RABEP1: variants seen among roughly 807,000 people sequenced by gnomAD.
RABEP1 encodes the protein rabaptin, RAB GTPase binding effector protein 1.
Under a neutral mutation model 123.4 loss-of-function variants are expected in RABEP1, and 51 were observed. The observed-to-expected ratio is 0.41, with a 90% CI of 0.33 to 0.52. RABEP1 has a LOEUF of 0.52. RABEP1 is among the 20% of genes least tolerant of loss of function. The probability of loss-of-function intolerance (pLI) is 0.16; values close to 1 mark genes in which losing one functional copy is unlikely to be tolerated. For missense variants in RABEP1, 888 were observed against 996.3 expected, an observed-to-expected ratio of 0.89 and a Z score of 1.46; for synonymous variants, 347 against 355.2, an observed-to-expected ratio of 0.98 and a Z score of 0.26.
chr17:5,302,902 AT>A (rs200600919), intron 1 of RABEP1, among the ~76,000 whole-genome samples: 2 of 152,074 alleles, frequency 1.3e-5, no homozygotes, highest in South Asian at 4.1e-4. Context: ...TTAAAAAATG[AT>A]TTTTTTTGTG....
chr17:5,361,103 A>T, intron 8 of RABEP1, 105 bp from the exon 9 acceptor site: 1 of 977,990 alleles, frequency 1.0e-6, no homozygotes, highest in Non-Finnish European at 1.5e-6. Flanking sequence ...GTAGCACATT[A>T]ATGATTATCA....
At chr17:5,297,599 T>C (rs2075095516) in intron 1 of RABEP1, among the ~76,000 whole-genome samples, 1 of 152,248 alleles carries the variant, frequency 6.6e-6, no homozygotes, top group African/African-American at 2.4e-5. Context: ...CATCTGTAAC[T>C]GGGGTGATAA....
intron 9 of RABEP1, 149 bp from the exon 10 acceptor site, chr17:5,362,763 C>A: frequency 1.7e-6 from 1 of 597,088 alleles, no homozygotes; most frequent in Admixed American, 2.9e-5. Context: ...AGAATCTGAC[C>A]CTATATTGTA....
At chr17:5,322,571 T>C (rs1332963648) in intron 2 of RABEP1, among the ~76,000 whole-genome samples, 2 of 151,952 alleles carry the variant, frequency 1.3e-5, no homozygotes, top group Non-Finnish European at 2.9e-5. Context: ...GGACAGATTA[T>C]CCAGGCAGCA....
intron 8 of RABEP1, chr17:5,360,934 A>G (rs1053915716): frequency 5.2e-6 from 2 of 387,736 alleles, no homozygotes; most frequent in African/African-American, 2.1e-5. Flanking sequence ...CTTTTATCAC[A>G]GTATTATAAC....
intron 2 of RABEP1, among the ~76,000 whole-genome samples, chr17:5,329,835 A>G (rs1340171542): frequency 1.3e-4 from 7 of 52,258 alleles, no homozygotes; most frequent in Non-Finnish European, 2.4e-4. Flanking sequence ...ATATATATAT[A>G]TATATATATA....
intron 3 of RABEP1, among the ~76,000 whole-genome samples, chr17:5,332,684 C>A (rs1329964534): frequency 6.7e-6 from 1 of 148,846 alleles, no homozygotes; most frequent in Non-Finnish European, 1.5e-5. Context: ...ACTGTACTCG[C>A]TGCAACCTCT....
At chr17:5,357,528 C>T (rs1169380363) in intron 8 of RABEP1, among the ~76,000 whole-genome samples, 4 of 152,076 alleles carry the variant, frequency 2.6e-5, no homozygotes, top group Admixed American at 6.6e-5. Context: ...CACACCACCA[C>T]GCCCAGCTAT....
chr17:5,321,758 A>G (rs2075357050), intron 2 of RABEP1, among the ~76,000 whole-genome samples: 4 of 152,252 alleles, frequency 2.6e-5, no homozygotes, highest in Admixed American at 2.6e-4. Flanking sequence ...AAAATAGACT[A>G]CAAATCTAAG....
chr17:5,360,985 A>G (rs945514520), intron 8 of RABEP1: 2 of 526,282 alleles, frequency 3.8e-6, no homozygotes, highest in East Asian at 3.2e-5. Context: ...AGCCGTATGT[A>G]TCTCGAGGTC....
At chr17:5,373,168 T>C (rs947196275) in intron 12 of RABEP1, 146 bp from the exon 13 acceptor site, 2 of 605,122 alleles carry the variant, frequency 3.3e-6, no homozygotes. Flanking sequence ...AAAATCTCTG[T>C]GCAGCTTTTT....
intron 11 of RABEP1, among the ~76,000 whole-genome samples, chr17:5,367,385 C>T (rs985641985): frequency 2.6e-5 from 4 of 151,740 alleles, no homozygotes; most frequent in African/African-American, 9.7e-5. Context: ...GATTCTCCTG[C>T]CTCAGCCTCC....
rs571574425 is a variant in RABEP1, at chr17:5,306,524, A to G, written c.35-2170A>G. Among the ~76,000 whole-genome samples, 62 of 151,970 alleles carry G rather than the reference A, an allele frequency of 4.1e-4. 1 individual carries two copies. The highest frequency in any genetic ancestry group is 1.5e-3 in the African/African-American group (61 of 41,428). On this transcript the variant is annotated intron_variant, in intron 1 of 17. Transcript: ENST00000537505. ...GTGCCTGTACTCCCAGCTACTCGGGAGGCTGAGGCAGAAGAATTGCTTGAG... is the reference window on the plus strand; with the variant it reads ...GTGCCTGTACTCCCAGCTACTCGGGGGGCTGAGGCAGAAGAATTGCTTGAG...
chr17:5,381,921 G>A (rs145779252), intron 17 of RABEP1, among the ~76,000 whole-genome samples: 88 of 152,180 alleles, frequency 5.8e-4, no homozygotes, highest in African/African-American at 1.9e-3. Flanking sequence ...AAGGCTCAGC[G>A]TAGGTCTGTC....
At chr17:5,315,284 T>G (rs1463592773) in intron 2 of RABEP1, among the ~76,000 whole-genome samples, 2 of 152,198 alleles carry the variant, frequency 1.3e-5, no homozygotes, top group East Asian at 3.8e-4. Context: ...TAGTGTTTGC[T>G]AATAGATTTA....
chr17:5,360,313 A>G (rs2144672310), intron 8 of RABEP1, among the ~76,000 whole-genome samples: 1 of 152,382 alleles, frequency 6.6e-6, no homozygotes. Flanking sequence ...CTGTAATCCC[A>G]GCACTTTGGG....
chr17:5,381,508 G>A lies in RABEP1; in HGVS notation c.2487+3G>A. The A allele has an allele frequency of 1.2e-6, 2 of 1,611,738 alleles. No individual in the cohort carries two copies. Among genetic ancestry groups the A allele is most frequent in the Non-Finnish European group, 8.5e-7 (1 of 1,179,096 alleles). On this transcript the variant is annotated splice_donor_region_variant and intron_variant, in intron 17 of 17. Transcript: ENST00000537505. ...TAAAGCTTTCACAGACCCTTCAGGT[G>A]AGGCATTTGGGGAACCACATACAGA...
chr17:5,319,638 C>T lies in RABEP1; in HGVS notation c.163+10816C>T, dbSNP rs113110895. On this transcript the variant is annotated intron_variant, in intron 2 of 17. Transcript: ENST00000537505. ...TTGGCCTCCCAAAGTGTTGGGATTA[C>T]AGGCGTGAGCTACCACACCCAGCCT... 7.9e-5 allele frequency among the ~76,000 whole-genome samples: 12 copies of T among 152,210 alleles called. 1 individual carries two copies. Among genetic ancestry groups the T allele is most frequent in the African/African-American group, 1.9e-4 (8 of 41,552 alleles).
intron 16 of RABEP1, chr17:5,380,687 ATAG>A: frequency 1.8e-6 from 1 of 541,296 alleles, no homozygotes; most frequent in South Asian, 1.8e-5. Context: ...CTAGCTTCAG[ATAG>A]TAGGCAGTCA....
Sources: allele counts gnomAD v4.1 joint callset (sites outside exome capture counted in the v4.1 genomes callset), GRCh38; gene constraint gnomAD v4.1.1; transcripts MANE v1.5; gene names NCBI Gene and HGNC (gene_info 2026-07-23, HGNC 2026-07-21).